Variants in DGKG observed in about 807,000 individuals in gnomAD.
The protein encoded by DGKG is DAG kinase gamma.
A neutral mutation model predicts 105.3 loss-of-function variants in DGKG; 78 were observed. The ratio of observed to expected loss-of-function variants is 0.74; its 90% CI spans 0.62 to 0.89. The LOEUF (loss-of-function observed/expected upper bound fraction) is 0.89, where lower values mean the gene tolerates loss of function less well. DGKG is among the 40% of genes least tolerant of loss of function. The pLI, the probability that DGKG is intolerant of heterozygous loss-of-function variation, is 0.00. For missense variants in DGKG, 958 were observed against 1,020.1 expected (o/e 0.94, Z 0.83); for synonymous variants, 346 against 367.1 (o/e 0.94, Z 0.66).
In DGKG at chr3:186,286,249, C is replaced by T. The variant is rs555105656; in HGVS notation, c.545-1540G>A. Among the ~76,000 whole-genome samples, 5 of 152,262 alleles carry T rather than the reference C, an allele frequency of 3.3e-5. No homozygotes were observed. In the South Asian group the frequency reaches 1.0e-3, roughly 32 times the overall value. On this transcript the variant is annotated intron_variant, in intron 6 of 24. Coordinates refer to ENST00000265022, the MANE Select transcript of DGKG (RefSeq NM_001346.3). ...TTGTGATTCCTCAGAAGGTCCCAGTCAGAGGCATGCATCGTATGCTGCTGA... is the reference window on the plus strand; with the variant it reads ...TTGTGATTCCTCAGAAGGTCCCAGTTAGAGGCATGCATCGTATGCTGCTGA...
chr3:186,338,296 G>T (rs771539779), intron 1 of DGKG, among the ~76,000 whole-genome samples: 5 of 152,086 alleles, frequency 3.3e-5, no homozygotes, highest in Non-Finnish European at 7.4e-5. Context: ...CAGGACAATA[G>T]GGAAATCTAA....
At position 186,235,785 on chromosome 3, in the gene DGKG, C is replaced by T. The variant is rs575403249; in HGVS notation, c.1826+6719G>A. On this transcript the variant is annotated intron_variant, in intron 20 of 24. Transcript: ENST00000265022. ...CTGAGGTCAGGGTTGGGGAGAGGTA[C>T]GTGGTGGGTGAGGGGAAAGAAGTAT... Among the ~76,000 whole-genome samples, 29 of 152,142 alleles carry T rather than the reference C, an allele frequency of 1.9e-4. No individual in the cohort carries two copies. In the East Asian group the frequency reaches 1.9e-3, roughly 10 times the overall value.
Position 186,361,722 on chromosome 3 carries a change from G to A in DGKG, c.-249+224C>T, listed in dbSNP as rs190601038. Among the ~76,000 whole-genome samples the A allele has an allele frequency of 2.3e-4, 35 of 152,316 alleles. No individual in the cohort carries two copies. Among genetic ancestry groups the A allele is most frequent in the African/African-American group, 7.9e-4 (33 of 41,582 alleles). On this transcript the variant is annotated intron_variant, in intron 1 of 24. Transcript: ENST00000265022. The surrounding 1 kb of genome is among the most constrained non-coding windows in gnomAD (Gnocchi z 6.8). ...GGGCCTCTCAGTCGCAGAGAGAGCC[G>A]AGCCCCACCCTGTGCGTTCCCCAAG... is the stretch of plus-strand genomic sequence containing the variant.
At chr3:186,237,298 T>TA (rs1345577922) in intron 20 of DGKG, among the ~76,000 whole-genome samples, 2 of 152,200 alleles carry the variant, frequency 1.3e-5, no homozygotes, top group Non-Finnish European at 2.9e-5. Flanking sequence ...GCCCCACACT[T>TA]AAGAGGGCTC....
At chr3:186,308,071 C>A (rs372608270) in intron 2 of DGKG, among the ~76,000 whole-genome samples, 4 of 152,118 alleles carry the variant, frequency 2.6e-5, no homozygotes, top group Non-Finnish European at 4.4e-5. Context: ...CCTCCACCCC[C>A]CGCCATGATT....
At chr3:186,282,904 A>G (rs184794930) in intron 7 of DGKG, among the ~76,000 whole-genome samples, 48 of 150,394 alleles carry the variant, frequency 3.2e-4, no homozygotes, top group Admixed American at 2.9e-3. Context: ...AGTAAAAGAT[A>G]CACTTTTTTT....
intron 20 of DGKG, among the ~76,000 whole-genome samples, chr3:186,239,428 C>T (rs570724974): frequency 5.1e-4 from 77 of 152,334 alleles, no homozygotes; most frequent in African/African-American, 1.7e-3. Flanking sequence ...GCCTTGCGGC[C>T]TTTCCTAAGT....
At chr3:186,332,411 G>A (rs765576335) in intron 1 of DGKG, among the ~76,000 whole-genome samples, 1 of 152,172 alleles carries the variant, frequency 6.6e-6, no homozygotes, top group Non-Finnish European at 1.5e-5. Flanking sequence ...GAATAGCAAT[G>A]GAAAAGTCTG....
intron 20 of DGKG, among the ~76,000 whole-genome samples, chr3:186,225,810 C>T (rs1429204129): frequency 6.6e-6 from 1 of 152,186 alleles, no homozygotes; most frequent in Non-Finnish European, 1.5e-5. Context: ...TTTCCCTGGA[C>T]GATGCTTCAA....
intron 1 of DGKG, among the ~76,000 whole-genome samples, chr3:186,358,002 C>A (rs1336646481): frequency 6.6e-6 from 1 of 152,222 alleles, no homozygotes; most frequent in Non-Finnish European, 1.5e-5. Flanking sequence ...CATGTGAAAA[C>A]AGACAGCACA....
chr3:186,182,349 C>T (rs1015508300), intron 22 of DGKG, among the ~76,000 whole-genome samples: 14 of 152,318 alleles, frequency 9.2e-5, no homozygotes, highest in African/African-American at 2.9e-4. Context: ...ACCAAGGGCT[C>T]ACCAGGTTCC....
At chr3:186,326,183 G>C (rs1560156109) in intron 1 of DGKG, among the ~76,000 whole-genome samples, 1 of 152,164 alleles carries the variant, frequency 6.6e-6, no homozygotes, top group Non-Finnish European at 1.5e-5. Context: ...CTTGAGCCCA[G>C]GAGTTTGAGA....
intron 3 of DGKG, among the ~76,000 whole-genome samples, chr3:186,302,501 T>C (rs1489505683): frequency 0.013 from 114 of 9,072 alleles, 4 homozygotes; most frequent in South Asian, 0.094. Flanking sequence ...TATATATATA[T>C]ATATACATAT....
At chr3:186,311,088 T>C (rs2108630330) in intron 2 of DGKG, among the ~76,000 whole-genome samples, 1 of 152,304 alleles carries the variant, frequency 6.6e-6, no homozygotes, top group Middle Eastern at 3.4e-3. Flanking sequence ...CCTGCCTGCA[T>C]GTTGAAATCA....
rs544826302 is a variant in DGKG at position 186,180,176 on chromosome 3, C to T, written c.2095+8026G>A. ...GACTCTGGGTCTCCAGCTTGGGCAA[C>T]AGGTGAGACATCAATAAGGCAGGGA... On this transcript the variant is annotated intron_variant, in intron 22 of 24. Coordinates refer to ENST00000265022, the MANE Select transcript of DGKG (RefSeq NM_001346.3). Among the ~76,000 whole-genome samples the T allele has an allele frequency of 1.8e-4, 27 of 152,000 alleles. No homozygotes were observed. The South Asian group carries it at 3.5e-3, about 20-fold the overall frequency.
intron 1 of DGKG, among the ~76,000 whole-genome samples, chr3:186,341,240 C>T (rs1726070850): frequency 6.6e-6 from 1 of 152,172 alleles, no homozygotes; most frequent in African/African-American, 2.4e-5. Flanking sequence ...GATTTCTGGA[C>T]CATGATTTAT....
intron 10 of DGKG, among the ~76,000 whole-genome samples, chr3:186,273,363 A>AT (rs1553811106): frequency 1.4e-5 from 1 of 73,400 alleles, no homozygotes; most frequent in Non-Finnish European, 2.5e-5. Flanking sequence ...AGACTGTTGT[A>AT]CCCCTTTTTT....
intron 1 of DGKG, among the ~76,000 whole-genome samples, chr3:186,329,033 C>G (rs1301321748): frequency 6.6e-6 from 1 of 152,180 alleles, no homozygotes; most frequent in Non-Finnish European, 1.5e-5. Context: ...GCTCACGAAG[C>G]TCGGCACTTC....
chr3:186,289,919 GC>G (rs1723240249), intron 5 of DGKG, among the ~76,000 whole-genome samples: 1 of 152,176 alleles, frequency 6.6e-6, no homozygotes, highest in East Asian at 1.9e-4. Flanking sequence ...TTTTAGGCAA[GC>G]AGGGCTGTGC....
Sources: gnomAD v4.1 joint callset for allele counts (sites outside exome capture counted in the v4.1 genomes callset) on GRCh38, gnomAD v4.1.1 for gene constraint, Gnocchi (gnomAD v3.1) non-coding constraint, MANE v1.5 for transcripts, NCBI Gene and HGNC (gene_info 2026-07-23, HGNC 2026-07-21) for gene names.